The following EDIL3 variants were observed in gnomAD, a reference collection of about 807,000 sequenced individuals.
The protein encoded by EDIL3 is EGF like and discoidin domains 3, also known as EGF-like repeat and discoidin I-like domain-containing protein 3.
In EDIL3, 37 loss-of-function variants were observed where a neutral mutation model predicts 67.4. That is an observed-to-expected ratio of 0.55 (90% CI 0.42 to 0.72). The LOEUF is 0.72. Among genes scored for constraint, EDIL3 ranks in the 30% least tolerant of loss-of-function variants. The pLI is 0.00. For synonymous variants in EDIL3, 195 were observed against 196.3 expected (o/e 0.99, Z 0.05); for missense variants, 527 against 586.3 (o/e 0.90, Z 1.04).
chr5:84,053,162 A>G (rs929043924), intron 9 of EDIL3, among the ~76,000 whole-genome samples: 2 of 152,198 alleles, frequency 1.3e-5, no homozygotes, highest in African/African-American at 2.4e-5. Flanking sequence ...ACTCACTCAA[A>G]ACCACTCAAC....
chr5:84,062,128 T>C (rs1746557244), intron 8 of EDIL3, among the ~76,000 whole-genome samples: 1 of 152,044 alleles, frequency 6.6e-6, no homozygotes, highest in East Asian at 1.9e-4. Flanking sequence ...ATCTGAAGCC[T>C]CATATTAAAG....
chr5:84,199,690 A>G (rs899654621), intron 3 of EDIL3, among the ~76,000 whole-genome samples: 8 of 152,008 alleles, frequency 5.3e-5, no homozygotes, highest in Non-Finnish European at 1.2e-4. Flanking sequence ...TATCATTCTT[A>G]TTTCTTCCAG....
chr5:84,255,017 T>C (rs1002576751), intron 1 of EDIL3, among the ~76,000 whole-genome samples: 6 of 152,138 alleles, frequency 3.9e-5, no homozygotes, highest in African/African-American at 1.4e-4. Flanking sequence ...TGCGATGAAC[T>C]TTTCATATGA....
chr5:84,273,801 G>A (rs1008466068), intron 1 of EDIL3, among the ~76,000 whole-genome samples: 2 of 152,054 alleles, frequency 1.3e-5, no homozygotes, highest in African/African-American at 2.4e-5. Flanking sequence ...ATTCTTTCAC[G>A]CCTCTAAATA....
chr5:84,245,776 T>G (rs1357399996), intron 2 of EDIL3, among the ~76,000 whole-genome samples: 1 of 152,144 alleles, frequency 6.6e-6, no homozygotes, highest in Non-Finnish European at 1.5e-5. Context: ...TTTGAATTTG[T>G]AATTTTCATT....
chr5:84,072,401 C>G (rs1032023280), intron 6 of EDIL3, among the ~76,000 whole-genome samples: 3 of 151,858 alleles, frequency 2.0e-5, no homozygotes, highest in African/African-American at 7.3e-5. Flanking sequence ...AAATCTACAC[C>G]AAGTAATCAT....
At chr5:84,144,357 G>A (rs1748256249) in intron 4 of EDIL3, among the ~76,000 whole-genome samples, 1 of 147,154 alleles carries the variant, frequency 6.8e-6, no homozygotes, top group African/African-American at 2.5e-5. Context: ...TACTAAGAAT[G>A]CAACAATTAA....
At chr5:84,383,402 T>C (rs1748131866) in intron 1 of EDIL3, among the ~76,000 whole-genome samples, 1 of 152,256 alleles carries the variant, frequency 6.6e-6, no homozygotes, top group Non-Finnish European at 1.5e-5. Context: ...TCGCCTAAAC[T>C]ACTCCAGCAG....
intron 1 of EDIL3, among the ~76,000 whole-genome samples, chr5:84,368,899 T>A (rs1747791368): frequency 6.6e-6 from 1 of 151,716 alleles, no homozygotes; most frequent in Non-Finnish European, 1.5e-5. Context: ...GTTGGGAAAA[T>A]GCAAGTCAAA....
chr5:84,010,432 T>C (rs1397906686), intron 9 of EDIL3, among the ~76,000 whole-genome samples: 1 of 152,222 alleles, frequency 6.6e-6, no homozygotes, highest in East Asian at 1.9e-4. Flanking sequence ...TCTCCAGTTT[T>C]GTTCTATTTA....
At chr5:84,101,045 T>C (rs914936173) in intron 6 of EDIL3, among the ~76,000 whole-genome samples, 1 of 152,120 alleles carries the variant, frequency 6.6e-6, no homozygotes, top group Non-Finnish European at 1.5e-5. Flanking sequence ...ATTTGTGTAA[T>C]CCTTTTAGAA....
chr5:84,349,171 TA>T (rs1747301564), intron 1 of EDIL3, among the ~76,000 whole-genome samples: 1 of 152,202 alleles, frequency 6.6e-6, no homozygotes, highest in African/African-American at 2.4e-5. Flanking sequence ...TTATAAAGAA[TA>T]ACAGCTTGCT....
At chr5:84,275,161 T>C (rs3846638) in intron 1 of EDIL3, among the ~76,000 whole-genome samples, 14,120 of 152,230 alleles carry the variant, frequency 0.093, 727 homozygotes, top group Middle Eastern at 0.17. Flanking sequence ...GTTTTTACTG[T>C]ACCAAACCAC....
chr5:84,343,989 G>A (rs537715002), intron 1 of EDIL3, among the ~76,000 whole-genome samples: 1 of 152,146 alleles, frequency 6.6e-6, no homozygotes, highest in East Asian at 1.9e-4. Context: ...TCTGGTGAAG[G>A]AGAACACCAC....
At chr5:84,166,459 A>C (rs1029884030) in intron 4 of EDIL3, among the ~76,000 whole-genome samples, 4 of 152,148 alleles carry the variant, frequency 2.6e-5, no homozygotes. Flanking sequence ...TTCATTGGTT[A>C]ACACACCAAG....
intron 3 of EDIL3, among the ~76,000 whole-genome samples, chr5:84,225,596 C>G (rs1052845080): frequency 6.6e-6 from 1 of 151,542 alleles, no homozygotes; most frequent in African/African-American, 2.4e-5. Context: ...AAAACACTAT[C>G]TAATGTCTCC....
intron 5 of EDIL3, among the ~76,000 whole-genome samples, chr5:84,107,553 A>G (rs912556765): frequency 1.3e-5 from 2 of 151,532 alleles, no homozygotes; most frequent in African/African-American, 2.4e-5. Context: ...TTTCAAATTC[A>G]CAATTCTACA....
intron 9 of EDIL3, among the ~76,000 whole-genome samples, chr5:83,970,302 T>A (rs973680967): frequency 4.8e-5 from 7 of 145,438 alleles, no homozygotes; most frequent in African/African-American, 1.8e-4. Context: ...ATGTTCTTTG[T>A]CTATTACCTA....
chr5:83,947,127 C>T (rs955324006), intron 10 of EDIL3, among the ~76,000 whole-genome samples: 2 of 151,786 alleles, frequency 1.3e-5, no homozygotes, highest in African/African-American at 4.8e-5. Context: ...CATTATTTTT[C>T]TTCTGCTATT....
Sources: gnomAD v4.1 joint callset for allele counts (sites outside exome capture counted in the v4.1 genomes callset) on GRCh38, gnomAD v4.1.1 for gene constraint, MANE v1.5 for transcripts, NCBI Gene and HGNC (gene_info 2026-07-23, HGNC 2026-07-21) for gene names.